The following MMP24 variants were observed in gnomAD, a reference collection of about 807,000 sequenced individuals.
The protein encoded by MMP24 is matrix metalloproteinase-24.
MMP24 carries 25 observed loss-of-function variants against 62.8 expected under a neutral mutation model. The observed-to-expected ratio is 0.40, with a 90% CI of 0.29 to 0.56. The LOEUF is 0.56. Ranked by LOEUF, MMP24 falls within the 20% of genes least tolerant of loss-of-function variation. The pLI, the probability that MMP24 is intolerant of heterozygous loss-of-function variation, is 0.50. For synonymous variants in MMP24, 319 were observed against 350.5 expected, an observed-to-expected ratio of 0.91 and a Z score of 1.00; for missense variants, 634 against 853.6, an observed-to-expected ratio of 0.74 and a Z score of 3.21.
chr20:35,270,187 C>T (rs933010696), intron 7 of MMP24, among the ~76,000 whole-genome samples: 6 of 152,178 alleles, frequency 3.9e-5, no homozygotes, highest in African/African-American at 1.4e-4. Flanking sequence ...TCTGTAAGAA[C>T]CCAGAGGGAA....
chr20:35,268,455 C>T (rs538886049), intron 6 of MMP24, among the ~76,000 whole-genome samples: 4 of 152,360 alleles, frequency 2.6e-5, no homozygotes. Flanking sequence ...CAGCGTGAGT[C>T]AGCCCCAGTC....
At chr20:35,233,436 C>G (rs1049216132) in intron 1 of MMP24, among the ~76,000 whole-genome samples, 8 of 152,114 alleles carry the variant, frequency 5.3e-5, no homozygotes. Context: ...TCAGTCCACT[C>G]AGGAGTCAGT....
chr20:35,256,323 G>A (rs191896465), intron 4 of MMP24: 1 of 152,140 alleles, frequency 6.6e-6, no homozygotes, highest in Non-Finnish European at 1.5e-5. Context: ...CTTTGAATCT[G>A]GGCATTATGG....
chr20:35,229,851 A>T (rs2060430349), intron 1 of MMP24, among the ~76,000 whole-genome samples: 1 of 152,046 alleles, frequency 6.6e-6, no homozygotes, highest in Non-Finnish European at 1.5e-5. Flanking sequence ...CCTTTCCTTA[A>T]AGTTTCAGCT....
chr20:35,274,252 G>T lies in MMP24; in HGVS notation c.1601-20G>T, dbSNP rs1454227971. On this transcript the variant is annotated intron_variant, in intron 8 of 8. Transcript: ENST00000246186. The surrounding 1 kb of genome is among the most constrained non-coding windows in gnomAD (Gnocchi z 5.1). The stretch of plus-strand genomic sequence containing the variant: ...GCCGGAAGTGTCTGGGAGTGGTGAT[G>T]CTGGGCTGTATTTCTGCAGATTACA... The T allele has an allele frequency of 5.7e-6, 9 of 1,584,452 alleles. No individual in the cohort carries two copies. The East Asian group carries it at 1.6e-4, about 28-fold the overall frequency.
chr20:35,259,149 C>T (rs1437411511), intron 4 of MMP24, among the ~76,000 whole-genome samples: 1 of 152,092 alleles, frequency 6.6e-6, no homozygotes, highest in Non-Finnish European at 1.5e-5. Context: ...CCACTACACT[C>T]CAACCTGGGT....
chr20:35,226,927 A>AGCGGTGGCGGTG lies in MMP24; in HGVS notation c.199_210dup (p.Val67_Ala70dup). Reference sequence around the variant, plus strand: ...CGGCGGCGGGGGCAGGGAACCGGGCAGCGGTGGCGGTGGCGGTGGCGCGGG... The same window carrying AGCGGTGGCGGTG: ...CGGCGGCGGGGGCAGGGAACCGGGCAGCGGTGGCGGTGGCGGTGGCGGTGGCGGTGGCGCGGG... On this transcript the variant is annotated inframe_insertion, in exon 1 of 9. Transcript: ENST00000246186. The AGCGGTGGCGGTG allele has an allele frequency of 1.0e-6, 1 of 979,508 alleles. No homozygotes were observed. The highest frequency in any genetic ancestry group is 1.2e-6 in the Non-Finnish European group (1 of 828,130). 60.7% of individuals were successfully genotyped at this position (979,508 alleles called of 1,614,324 possible). A position where few individuals can be genotyped will look rare whatever the true frequency, so the allele number is the denominator to read the frequency against.
rs537805382 is a variant in MMP24 at position 35,229,038 on chromosome 20, C to T, written c.246+2054C>T. On this transcript the variant is annotated intron_variant, in intron 1 of 8. Transcript: ENST00000246186. ...TTTAGGGAACAATCTATAATAGCTC[C>T]CGGAGCCTTTTCCTGGGTCAAAACT... Among the ~76,000 whole-genome samples the T allele has an allele frequency of 1.0e-3, 154 of 152,320 alleles. 2 individuals carry two copies. The highest frequency in any genetic ancestry group is 3.6e-3 in the Admixed American group (55 of 15,292).
chr20:35,257,745 C>T (rs1214893871), intron 4 of MMP24, among the ~76,000 whole-genome samples: 2 of 152,214 alleles, frequency 1.3e-5, no homozygotes, highest in African/African-American at 2.4e-5. Context: ...CCAACCCTAA[C>T]CTTCATGAAA....
At chr20:35,272,988 T>C (rs1321782149) in intron 8 of MMP24, among the ~76,000 whole-genome samples, 1 of 152,204 alleles carries the variant, frequency 6.6e-6, no homozygotes, top group East Asian at 1.9e-4. Flanking sequence ...TGGGTTTCAG[T>C]TTATGTGGAT....
chr20:35,232,077 G>T (rs1221521688), intron 1 of MMP24, among the ~76,000 whole-genome samples: 1 of 152,120 alleles, frequency 6.6e-6, no homozygotes, highest in East Asian at 1.9e-4. Context: ...AATAACAGAA[G>T]CTAGGTTTTC....
chr20:35,228,617 A>G (rs903071147), intron 1 of MMP24, among the ~76,000 whole-genome samples: 1 of 152,166 alleles, frequency 6.6e-6, no homozygotes, highest in Non-Finnish European at 1.5e-5. Context: ...CACCATGTCT[A>G]ACATAAAGAG....
rs2060564742 is a variant in MMP24 at position 35,254,505 on chromosome 20, C to T, written c.568C>T (p.Gln190Ter). 1 of 1,614,032 alleles carries T rather than the reference C, an allele frequency of 6.2e-7. No homozygotes were observed. Among genetic ancestry groups the T allele is most frequent in the Non-Finnish European group, 8.5e-7 (1 of 1,179,882 alleles). ...GCTAGACACGCGGAAAGCTATTCGC[C>T]AGGCTTTCGATGTGTGGCAGAAGGT... ...GELDTRKAIR[Q>*]AFDVWQKVTP... Residue 190 changes from glutamine to a stop codon, truncating the protein, a stop_gained, in exon 4 of 9, where the codon CAG becomes TAG. Transcript: ENST00000246186. LOFTEE classifies it high-confidence loss of function.
intron 1 of MMP24, among the ~76,000 whole-genome samples, chr20:35,242,189 G>A (rs2060491557): frequency 6.6e-6 from 1 of 152,024 alleles, no homozygotes; most frequent in Non-Finnish European, 1.5e-5. Flanking sequence ...AAAATTACCT[G>A]GGCATGGTGG....
intron 7 of MMP24, 107 bp downstream of exon 7, chr20:35,270,005 G>A (rs2060659987): frequency 2.2e-6 from 3 of 1,381,930 alleles, no homozygotes; most frequent in Admixed American, 2.3e-5. Flanking sequence ...TCCTCAGAGG[G>A]CCCCTCTAGT....
intron 1 of MMP24, among the ~76,000 whole-genome samples, chr20:35,238,810 C>T (rs763880946): frequency 8.5e-5 from 13 of 152,294 alleles, no homozygotes; most frequent in Middle Eastern, 3.4e-3. Flanking sequence ...TCTCTCCAAC[C>T]GGCTCTATTC....
At chr20:35,246,214 G>A (rs1290488698) in intron 1 of MMP24, among the ~76,000 whole-genome samples, 1 of 151,832 alleles carries the variant, frequency 6.6e-6, no homozygotes, top group Admixed American at 6.6e-5. Context: ...CACAACTTTG[G>A]GAGGCTGAGG....
At chr20:35,228,806 T>G (rs1355189498) in intron 1 of MMP24, among the ~76,000 whole-genome samples, 2 of 152,218 alleles carry the variant, frequency 1.3e-5, no homozygotes, top group Non-Finnish European at 2.9e-5. Context: ...ATAGCCACAC[T>G]CATTCTCTGG....
intron 1 of MMP24, among the ~76,000 whole-genome samples, chr20:35,241,170 TCTAGC>T (rs2060486508): frequency 1.3e-5 from 2 of 152,032 alleles, no homozygotes; most frequent in East Asian, 1.9e-4. Context: ...GAACACTTGC[TCTAGC>T]CTCAGGAGTT....
Sources: allele counts gnomAD v4.1 joint callset (sites outside exome capture counted in the v4.1 genomes callset), GRCh38; gene constraint gnomAD v4.1.1; non-coding constraint Gnocchi (gnomAD v3.1); transcripts MANE v1.5; gene names NCBI Gene and HGNC (gene_info 2026-07-23, HGNC 2026-07-21).